SPPL3: variants seen among roughly 807,000 people sequenced by gnomAD.
SPPL3 encodes the protein signal peptide peptidase like 3.
Under a neutral mutation model 42.4 loss-of-function variants are expected in SPPL3, and 5 were observed. The ratio of observed to expected loss-of-function variants is 0.12; its 90% CI spans 0.06 to 0.25. SPPL3 has a LOEUF of 0.25. Among genes scored for constraint, SPPL3 ranks in the 10% least tolerant of loss-of-function variants. SPPL3 has a pLI of 1.00. For missense variants in SPPL3, 235 were observed against 489.0 expected (o/e 0.48, Z 4.90); for synonymous variants, 195 against 181.8 (o/e 1.07, Z -0.58).
intron 1 of SPPL3, among the ~76,000 whole-genome samples, chr12:120,900,818 G>A (rs1206244503): frequency 1.3e-5 from 2 of 151,622 alleles, no homozygotes; most frequent in African/African-American, 4.9e-5. Flanking sequence ...GCCACCTGCA[G>A]GGCTGAGGCA....
Position 120,784,495 on chromosome 12 carries a change from C to G in SPPL3, c.289G>C (p.Val97Leu). The G allele has an allele frequency of 6.2e-7, 1 of 1,611,150 alleles. No homozygotes were observed. Among genetic ancestry groups the G allele is most frequent in the Non-Finnish European group, 8.5e-7 (1 of 1,178,490 alleles). ...MFFFFDSVQV[V>L]FTICTAVLAT... The stretch of plus-strand genomic sequence containing the variant: ...TTACCTGCTGTACATATTGTAAAAA[C>G]TACTTGAACTGAGTCAAAGAAGAAG... Residue 97 changes from valine (V) to leucine (L), a missense_variant, in exon 4 of 11, where the codon GTT becomes CTT. Physicochemically the swap from Val to Leu is conservative, Grantham distance 32. Transcript: ENST00000353487.
chr12:120,789,144 A>G (rs1408563729), intron 3 of SPPL3, among the ~76,000 whole-genome samples: 1 of 152,228 alleles, frequency 6.6e-6, no homozygotes, highest in Non-Finnish European at 1.5e-5. Flanking sequence ...AGTACAACAT[A>G]GCTGGCAGAG....
At chr12:120,844,110 T>C (rs554506376) in intron 1 of SPPL3, among the ~76,000 whole-genome samples, 30 of 152,364 alleles carry the variant, frequency 2.0e-4, no homozygotes, top group Non-Finnish European at 3.2e-4. Context: ...AATTGGCTAA[T>C]AGGTATCTTA....
chr12:120,888,733 C>T (rs1483811028), intron 1 of SPPL3, among the ~76,000 whole-genome samples: 3 of 152,106 alleles, frequency 2.0e-5, no homozygotes, highest in African/African-American at 7.2e-5. Flanking sequence ...GTGACGACTG[C>T]CCAACTCTGT....
intron 1 of SPPL3, among the ~76,000 whole-genome samples, chr12:120,816,505 A>G (rs536648154): frequency 2.0e-5 from 3 of 152,140 alleles, no homozygotes; most frequent in African/African-American, 7.2e-5. Flanking sequence ...TATCATTATA[A>G]AAGTTTTTGT....
chr12:120,845,414 G>C, intron 1 of SPPL3: 1 of 390,424 alleles, frequency 2.6e-6, no homozygotes, highest in Middle Eastern at 3.7e-4. Flanking sequence ...TCTGGAAGTA[G>C]TGGCACCACA....
At chr12:120,861,456 T>C (rs1438559105) in intron 1 of SPPL3, among the ~76,000 whole-genome samples, 4 of 151,754 alleles carry the variant, frequency 2.6e-5, no homozygotes, top group African/African-American at 7.3e-5. Flanking sequence ...AAGAGTAAGA[T>C]TTTTTTTTAT....
At chr12:120,852,879 C>CATATAATATATACATATT (rs1872304156) in intron 1 of SPPL3, among the ~76,000 whole-genome samples, 2 of 9,064 alleles carry the variant, frequency 2.2e-4, no homozygotes, top group African/African-American at 3.9e-4. Flanking sequence ...ATATACATAT[C>CATATAATATATACATATT]ATATATATTT....
intron 1 of SPPL3, among the ~76,000 whole-genome samples, chr12:120,815,795 C>T (rs935600119): frequency 6.6e-5 from 10 of 152,154 alleles, no homozygotes; most frequent in South Asian, 4.1e-4. Flanking sequence ...GGTGCGATCT[C>T]GGCTCACTGC....
chr12:120,893,547 C>T (rs544572937), intron 1 of SPPL3, among the ~76,000 whole-genome samples: 1 of 152,086 alleles, frequency 6.6e-6, no homozygotes, highest in East Asian at 1.9e-4. Flanking sequence ...CCAGAAGATG[C>T]CTTTATTTCT....
intron 1 of SPPL3, among the ~76,000 whole-genome samples, chr12:120,843,096 A>G (rs2137027504): frequency 6.6e-6 from 1 of 152,276 alleles, no homozygotes; most frequent in African/African-American, 2.4e-5. Flanking sequence ...CTCTGTGCCT[A>G]TGCTTCATTC....
At chr12:120,803,068 T>C (rs1287897077) in intron 2 of SPPL3, among the ~76,000 whole-genome samples, 2 of 152,216 alleles carry the variant, frequency 1.3e-5, no homozygotes, top group African/African-American at 4.8e-5. Context: ...CTGTCTGATC[T>C]TAAGGCCAAG....
intron 1 of SPPL3, among the ~76,000 whole-genome samples, chr12:120,890,203 T>G (rs1488263498): frequency 6.6e-6 from 1 of 151,630 alleles, no homozygotes; most frequent in Non-Finnish European, 1.5e-5. Context: ...GAGCCGAGAT[T>G]GCGCCATAGC....
intron 1 of SPPL3, among the ~76,000 whole-genome samples, chr12:120,861,529 G>A (rs1872618244): frequency 6.6e-6 from 1 of 152,178 alleles, no homozygotes; most frequent in Non-Finnish European, 1.5e-5. Flanking sequence ...ATTTTAAACA[G>A]GCTGTGGTAG....
At chr12:120,785,201 C>T (rs544806125) in intron 3 of SPPL3, among the ~76,000 whole-genome samples, 31 of 151,640 alleles carry the variant, frequency 2.0e-4, no homozygotes, top group African/African-American at 5.6e-4. Context: ...ACCAGGAGTT[C>T]AAGACCAGCC....
At chr12:120,850,025 C>T (rs995225898) in intron 1 of SPPL3, among the ~76,000 whole-genome samples, 4 of 152,152 alleles carry the variant, frequency 2.6e-5, no homozygotes, top group African/African-American at 9.7e-5. Context: ...CCATGGAAAA[C>T]CCCAAGTTTG....
intron 1 of SPPL3, among the ~76,000 whole-genome samples, chr12:120,857,598 G>C (rs1045010570): frequency 1.3e-5 from 2 of 152,160 alleles, no homozygotes; most frequent in Non-Finnish European, 2.9e-5. Flanking sequence ...TGCTAGACTG[G>C]ATAAAGAAAA....
intron 6 of SPPL3, among the ~76,000 whole-genome samples, chr12:120,773,666 C>T (rs1405007773): frequency 6.6e-6 from 1 of 152,214 alleles, no homozygotes; most frequent in African/African-American, 2.4e-5. Context: ...TGCTCTGTCG[C>T]CCACGCTGAG....
At chr12:120,829,610 AC>A (rs1871335355) in intron 1 of SPPL3, among the ~76,000 whole-genome samples, 2 of 152,164 alleles carry the variant, frequency 1.3e-5, no homozygotes, top group South Asian at 2.1e-4. Context: ...AAGAAAAAAA[AC>A]AAAACAAAAC....
Sources: gnomAD v4.1 joint callset for allele counts (sites outside exome capture counted in the v4.1 genomes callset) on GRCh38, gnomAD v4.1.1 for gene constraint, MANE v1.5 for transcripts, NCBI Gene and HGNC (gene_info 2026-07-23, HGNC 2026-07-21) for gene names.